The following DNAI7 variants were observed in gnomAD, a reference collection of about 807,000 sequenced individuals.
The protein encoded by DNAI7 is dynein axonemal intermediate chain 7.
Under a neutral mutation model 86.6 loss-of-function variants are expected in DNAI7, and 78 were observed. The ratio of observed to expected loss-of-function variants is 0.90; its 90% CI spans 0.75 to 1.09. The LOEUF (loss-of-function observed/expected upper bound fraction) is 1.09. DNAI7 is among the 50% of genes least tolerant of loss of function. DNAI7 has a pLI of 0.00. For synonymous variants in DNAI7, 274 were observed against 273.0 expected (o/e 1.00, Z -0.04); for missense variants, 753 against 810.2 (o/e 0.93, Z 0.86).
At chr12:25,160,312 T>C (rs1946693576) in intron 3 of DNAI7, among the ~76,000 whole-genome samples, 1 of 152,238 alleles carries the variant, frequency 6.6e-6, no homozygotes, top group South Asian at 2.1e-4. Context: ...GAATTCTAAA[T>C]TTCTCTTCAA....
At chr12:25,162,724 A>T (rs1454999480) in intron 2 of DNAI7, among the ~76,000 whole-genome samples, 1 of 152,104 alleles carries the variant, frequency 6.6e-6, no homozygotes, top group Non-Finnish European at 1.5e-5. Flanking sequence ...GTTAGATTTC[A>T]CAGTTCATCG....
chr12:25,159,536 TA>T (rs1946601945), intron 3 of DNAI7, among the ~76,000 whole-genome samples: 1 of 152,108 alleles, frequency 6.6e-6, no homozygotes, highest in Admixed American at 6.5e-5. Context: ...AAAAGGTTTA[TA>T]GCAATCCAAT....
chr12:25,147,104 G>A lies in DNAI7; in HGVS notation c.586C>T (p.Gln196Ter). 2 of 1,525,672 alleles carry A rather than the reference G, an allele frequency of 1.3e-6. No homozygotes were observed. The highest frequency in any genetic ancestry group is 1.8e-6 in the Non-Finnish European group (2 of 1,103,316). 94.5% of individuals were successfully genotyped at this position (1,525,672 alleles called of 1,614,324 possible). The change falls in exon 8 of 16, where the codon CAA becomes TAA. Residue 196 changes from glutamine (Q) to a stop codon, truncating the protein, a stop_gained and splice_region_variant. Transcript: ENST00000395987. LOFTEE classifies it high-confidence loss of function. ...TCCAGATCTGCCAAAGTACTAGCTT[G>A]CTGTAAGAGAAAAAGAAAACATTAT... is the stretch of plus-strand genomic sequence containing the variant. ...FGVATEILLK[Q>*]ASTLADLDSG...
chr12:25,111,390 T>C (rs922324023), intron 14 of DNAI7, among the ~76,000 whole-genome samples: 2 of 152,230 alleles, frequency 1.3e-5, no homozygotes, highest in Non-Finnish European at 2.9e-5. Context: ...GTTTTGTACA[T>C]TGGTGGTCCT....
intron 12 of DNAI7, among the ~76,000 whole-genome samples, chr12:25,115,946 G>A (rs138684781): frequency 7.9e-5 from 12 of 152,264 alleles, no homozygotes; most frequent in African/African-American, 1.7e-4. Context: ...CATCTGTGTC[G>A]TGCTCTATAG....
chr12:25,134,900 G>A (rs1262563157), intron 9 of DNAI7, among the ~76,000 whole-genome samples: 1 of 152,154 alleles, frequency 6.6e-6, no homozygotes, highest in Non-Finnish European at 1.5e-5. Flanking sequence ...AGTCAGTATT[G>A]TAGTGGATTC....
chr12:25,167,299 T>A (rs1286148381), intron 2 of DNAI7, among the ~76,000 whole-genome samples: 1 of 152,082 alleles, frequency 6.6e-6, no homozygotes, highest in African/African-American at 2.4e-5. Flanking sequence ...CAGGGATTAT[T>A]CAGTCCCCCT....
At chr12:25,174,651 A>G (rs1457463091) in intron 2 of DNAI7, among the ~76,000 whole-genome samples, 1 of 121,756 alleles carries the variant, frequency 8.2e-6, no homozygotes, top group African/African-American at 3.2e-5. Flanking sequence ...TATGGAATAT[A>G]GATATCATAT....
At chr12:25,193,613 C>A (rs1177471697) in intron 1 of DNAI7, among the ~76,000 whole-genome samples, 1 of 152,158 alleles carries the variant, frequency 6.6e-6, no homozygotes, top group East Asian at 1.9e-4. Context: ...GCATTTTTAA[C>A]AAGTACTCCG....
At chr12:25,138,977 A>C (rs1943883764) in intron 9 of DNAI7, among the ~76,000 whole-genome samples, 1 of 152,112 alleles carries the variant, frequency 6.6e-6, no homozygotes, top group African/African-American at 2.4e-5. Flanking sequence ...AACCAAGAAA[A>C]GAAGAGAGAA....
intron 2 of DNAI7, among the ~76,000 whole-genome samples, chr12:25,162,483 A>C (rs1011293232): frequency 2.0e-5 from 3 of 152,194 alleles, no homozygotes; most frequent in Non-Finnish European, 2.9e-5. Flanking sequence ...CCTCTCCTCC[A>C]TTTTCACAGG....
intron 7 of DNAI7, among the ~76,000 whole-genome samples, chr12:25,149,186 A>G (rs1048172509): frequency 6.6e-6 from 1 of 152,076 alleles, no homozygotes. Context: ...CTATCCTTAC[A>G]TATTATTATC....
chr12:25,138,585 A>T (rs1784649411), intron 9 of DNAI7, among the ~76,000 whole-genome samples: 1 of 152,240 alleles, frequency 6.6e-6, no homozygotes, highest in Non-Finnish European at 1.5e-5. Flanking sequence ...TGAAAATTAA[A>T]TAATCTGCTC....
chr12:25,155,572 G>A (rs527800015), intron 4 of DNAI7, among the ~76,000 whole-genome samples, 160 bp from the exon 5 acceptor site: 1 of 152,342 alleles, frequency 6.6e-6, no homozygotes, highest in South Asian at 2.1e-4. Context: ...GGTTTCATCT[G>A]AAACAGTGGC....
At chr12:25,110,390 T>C (rs1257542637) in intron 14 of DNAI7, 150 bp from the exon 15 acceptor site, 1 of 607,328 alleles carries the variant, frequency 1.6e-6, no homozygotes, top group African/African-American at 1.9e-5. Context: ...CACTGGGCAA[T>C]GGCTTTCCTT....
chr12:25,161,173 T>C lies in DNAI7; in HGVS notation c.46A>G (p.Thr16Ala). Reference protein sequence around the residue: ...KKSGSKKKKVTKAERLKLLQE... With the variant: ...KKSGSKKKKVAKAERLKLLQE... Reference sequence around the variant, plus strand: ...AGCAGCTTCAATCGTTCAGCTTTGGTGACTTTCTTTTTCTTACTGCCAGAC... The same window carrying C: ...AGCAGCTTCAATCGTTCAGCTTTGGCGACTTTCTTTTTCTTACTGCCAGAC... Residue 16 changes from threonine to alanine, a missense_variant, in exon 3 of 16, where the codon ACC becomes GCC. By Grantham distance (58) the Thr-to-Ala change is moderately conservative (BLOSUM62 0). Transcript: ENST00000395987. The C allele has an allele frequency of 1.9e-6, 3 of 1,613,980 alleles. No individual in the cohort carries two copies. The highest frequency in any genetic ancestry group is 2.5e-6 in the Non-Finnish European group (3 of 1,179,918).
Position 25,121,885 on chromosome 12 carries a change from A to T in DNAI7, c.1107T>A (p.Ser369=). The change falls in exon 11 of 16, where the codon TCT becomes TCA. Residue 369 remains serine, a synonymous_variant. Transcript: ENST00000395987. ...AAQLLLVENS[S]EKPDFFEDNV... ...TGTCTTCAAAGAAATCTGGCTTTTC[A>T]GAAGAATTCTCTACCAGCAACAACT... 6.3e-7 allele frequency: 1 copy of T among 1,590,796 alleles called. No individual in the cohort carries two copies. The highest frequency in any genetic ancestry group is 2.3e-5 in the East Asian group (1 of 44,414).
chr12:25,110,248 T>C lies in DNAI7; in HGVS notation c.1780-8A>G, dbSNP rs200989114. ...CACTTCTACCAAAGGAACCTGTCAA[T>C]ATAAAAACAAATAGAATTGATCTTT... On this transcript the variant is annotated splice_polypyrimidine_tract_variant and splice_region_variant and intron_variant, in intron 14 of 15. Transcript: ENST00000395987. 1.3e-6 allele frequency: 2 copies of C among 1,484,852 alleles called. No homozygotes were observed. The highest frequency in any genetic ancestry group is 2.3e-5 in the East Asian group (1 of 44,280). The allele number at this position is 1,484,852 out of a possible 1,614,324, so 92.0% of individuals were successfully genotyped here.
downstream of DNAI7, chr12:25,108,048 A>G: frequency 6.2e-7 from 1 of 1,613,490 alleles, no homozygotes; most frequent in African/African-American, 1.3e-5. Context: ...ACAATGGGCC[A>G]CCACCAGTGT....
Sources: allele counts gnomAD v4.1 joint callset (sites outside exome capture counted in the v4.1 genomes callset), GRCh38; gene constraint gnomAD v4.1.1; transcripts MANE v1.5; gene names NCBI Gene and HGNC (gene_info 2026-07-23, HGNC 2026-07-21).